TMEM232: variants seen among roughly 807,000 people sequenced by gnomAD.
TMEM232 encodes the protein transmembrane protein 232.
A neutral mutation model predicts 78.8 loss-of-function variants in TMEM232; 80 were observed. The observed-to-expected ratio is 1.01, with a 90% CI of 0.85 to 1.22. The LOEUF (loss-of-function observed/expected upper bound fraction) is 1.22. Ranked by LOEUF, TMEM232 falls within the 50% of genes most tolerant of loss-of-function variation. The probability of loss-of-function intolerance (pLI) is 0.00; values close to 1 mark genes in which losing one functional copy is unlikely to be tolerated. For missense variants in TMEM232, 881 were observed against 742.2 expected (o/e 1.19, Z -2.17); for synonymous variants, 297 against 254.3 (o/e 1.17, Z -1.60).
intron 12 of TMEM232, among the ~76,000 whole-genome samples, chr5:110,494,035 T>C (rs1765395390): frequency 6.6e-6 from 1 of 152,198 alleles, no homozygotes; most frequent in South Asian, 2.1e-4. Context: ...TCTGTTCTTG[T>C]GTTAGTTTGC....
intron 11 of TMEM232, among the ~76,000 whole-genome samples, chr5:110,553,563 T>C (rs1774717035): frequency 6.6e-6 from 1 of 152,198 alleles, no homozygotes; most frequent in African/African-American, 2.4e-5. Context: ...GTGATTTTTG[T>C]ACACTGATTT....
chr5:110,623,733 A>C (rs1784071764), intron 7 of TMEM232, among the ~76,000 whole-genome samples: 1 of 152,146 alleles, frequency 6.6e-6, no homozygotes, highest in South Asian at 2.1e-4. Flanking sequence ...CTATATTTAT[A>C]GTCTTTATAT....
At chr5:110,590,447 T>C (rs1417450172) in intron 10 of TMEM232, among the ~76,000 whole-genome samples, 2 of 152,094 alleles carry the variant, frequency 1.3e-5, no homozygotes, top group Non-Finnish European at 2.9e-5. Flanking sequence ...CATAGGAACA[T>C]GAACCCTATT....
At chr5:110,600,208 C>T (rs568504014) in intron 10 of TMEM232, among the ~76,000 whole-genome samples, 8 of 152,168 alleles carry the variant, frequency 5.3e-5, no homozygotes, top group East Asian at 3.9e-4. Context: ...CATCAGAAAG[C>T]GGGGAAGATC....
chr5:110,577,182 A>T (rs1175776860), intron 10 of TMEM232, among the ~76,000 whole-genome samples: 1 of 152,116 alleles, frequency 6.6e-6, no homozygotes, highest in Non-Finnish European at 1.5e-5. Context: ...CAAATTTACA[A>T]GAAAAAAAAT....
chr5:110,709,044 T>G (rs773670700), intron 1 of TMEM232, among the ~76,000 whole-genome samples: 2 of 152,118 alleles, frequency 1.3e-5, no homozygotes, highest in African/African-American at 4.8e-5. Flanking sequence ...AAAAAAGATA[T>G]TCCACGTGAA....
Position 110,396,389 on chromosome 5 carries a change from GAAAA to G in TMEM232, n.390+1380_390+1383del, listed in dbSNP as rs1290674762. The stretch of plus-strand genomic sequence containing the variant: ...ACCTATATAGATATTCACCTGGGAG[GAAAA>G]AAAAGTTATAATTTGTTTAATTTAC... On this transcript the variant is annotated intron_variant and non_coding_transcript_variant, in intron 3 of 8. Coordinates refer to the TMEM232 transcript ENST00000507188. Among the ~76,000 whole-genome samples the G allele has an allele frequency of 4.6e-5, 7 of 151,744 alleles. No homozygotes were observed. The East Asian group carries it at 1.2e-3, about 25-fold the overall frequency.
chr5:110,643,089 T>C (rs1019289253), intron 2 of TMEM232, among the ~76,000 whole-genome samples: 2 of 152,060 alleles, frequency 1.3e-5, no homozygotes, highest in Non-Finnish European at 2.9e-5. Context: ...ATGTCTTGAC[T>C]TCGGCTCCAA....
At chr5:110,546,487 C>T (rs1460323247) in intron 11 of TMEM232, among the ~76,000 whole-genome samples, 2 of 151,888 alleles carry the variant, frequency 1.3e-5, no homozygotes, top group African/African-American at 4.8e-5. Context: ...TTAGAATGTA[C>T]AGTAGTTTAT....
At chr5:110,406,768 C>T (rs754822321) in intron 2 of TMEM232, among the ~76,000 whole-genome samples, 2 of 152,020 alleles carry the variant, frequency 1.3e-5, no homozygotes, top group Non-Finnish European at 2.9e-5. Context: ...TTAAAAATAT[C>T]ATAGTTACAG....
intron 7 of TMEM232, among the ~76,000 whole-genome samples, chr5:110,620,661 T>C (rs969704206): frequency 4.3e-3 from 286 of 66,592 alleles, no homozygotes; most frequent in Middle Eastern, 0.021. Context: ...CTCTCTCTCC[T>C]CCTCTCTCTC....
At chr5:110,687,606 C>G (rs913066381) in intron 1 of TMEM232, among the ~76,000 whole-genome samples, 2 of 151,920 alleles carry the variant, frequency 1.3e-5, no homozygotes, top group Non-Finnish European at 2.9e-5. Context: ...TGAGTATATG[C>G]TTTATATTTA....
intron 8 of TMEM232, among the ~76,000 whole-genome samples, chr5:110,607,134 T>A (rs1354836688): frequency 6.6e-6 from 1 of 152,020 alleles, no homozygotes; most frequent in African/African-American, 2.4e-5. Context: ...TAAAGACAAT[T>A]CTTCATATTA....
chr5:110,691,145 G>GAA (rs113172226), intron 1 of TMEM232, among the ~76,000 whole-genome samples: 2,573 of 139,058 alleles, frequency 0.019, 64 homozygotes, highest in African/African-American at 0.05. Context: ...AAAGTATAAG[G>GAA]AAAAAAAAAA....
chr5:110,537,069 C>T (rs1372827818), intron 11 of TMEM232, among the ~76,000 whole-genome samples: 2 of 152,028 alleles, frequency 1.3e-5, no homozygotes, highest in African/African-American at 2.4e-5. Context: ...AGAATTTTTC[C>T]AGGATGCCTC....
At chr5:110,501,887 C>T (rs1453371241) in intron 12 of TMEM232, among the ~76,000 whole-genome samples, 1 of 152,062 alleles carries the variant, frequency 6.6e-6, no homozygotes, top group African/African-American at 2.4e-5. Context: ...TCACTTAGGT[C>T]TAATCTTGTA....
intron 12 of TMEM232, among the ~76,000 whole-genome samples, chr5:110,434,218 G>A (rs1364342358): frequency 3.3e-5 from 5 of 150,344 alleles, no homozygotes; most frequent in African/African-American, 4.9e-5. Flanking sequence ...TTGATAGACT[G>A]CTAACTAGAT....
intron 2 of TMEM232, among the ~76,000 whole-genome samples, chr5:110,649,383 T>C (rs941782559): frequency 6.6e-5 from 10 of 152,144 alleles, no homozygotes; most frequent in Admixed American, 3.3e-4. Flanking sequence ...TGATTTATAA[T>C]AATTCATTAA....
At chr5:110,479,076 A>G (rs1226857328) in intron 12 of TMEM232, among the ~76,000 whole-genome samples, 1 of 151,492 alleles carries the variant, frequency 6.6e-6, no homozygotes. Flanking sequence ...CTAATATACC[A>G]CATCTAGTCT....
Sources: allele counts gnomAD v4.1 joint callset (sites outside exome capture counted in the v4.1 genomes callset), GRCh38; gene constraint gnomAD v4.1.1; transcripts MANE v1.5; gene names NCBI Gene and HGNC (gene_info 2026-07-23, HGNC 2026-07-21).